AKAP13: variants seen among roughly 807,000 people sequenced by gnomAD.
AKAP13 encodes the protein A-kinase anchoring protein 13.
Under a neutral mutation model 264.5 loss-of-function variants are expected in AKAP13, and 80 were observed. That is an observed-to-expected ratio of 0.30 (90% CI 0.25 to 0.36). The LOEUF is 0.36. AKAP13 is among the 10% of genes least tolerant of loss of function. The pLI is 1.00. For synonymous variants in AKAP13, 1,380 were observed against 1,250.2 expected (o/e 1.10, Z -2.19); for missense variants, 3,712 against 3,435.2 (o/e 1.08, Z -2.01).
rs535324543 is a variant in AKAP13, at chr15:85,571,265, G to A, written c.663-3866G>A. Among the ~76,000 whole-genome samples the A allele has an allele frequency of 4.0e-4, 37 of 92,658 alleles. 1 individual carries two copies. The highest frequency in any genetic ancestry group is 1.4e-3 in the African/African-American group (35 of 25,566). 60.8% of individuals were successfully genotyped at this position (92,658 alleles called of 152,430 possible). A position where few individuals can be genotyped will look rare whatever the true frequency, so the allele number is the denominator to read the frequency against. The stretch of plus-strand genomic sequence containing the variant: ...TGTGCGTTTTACAGACTAGACTTAT[G>A]TACTTTTTTTTTACTTTTTATTTTG... On this transcript the variant is annotated intron_variant, in intron 5 of 36. Coordinates refer to ENST00000394518, the MANE Select transcript of AKAP13 (RefSeq NM_007200.5).
intron 14 of AKAP13, chr15:85,671,041 A>G (rs1437912884): frequency 6.6e-6 from 1 of 151,896 alleles, no homozygotes; most frequent in Non-Finnish European, 1.5e-5. Context: ...CTCATCAGAG[A>G]GGGAGTGAGT....
intron 19 of AKAP13, among the ~76,000 whole-genome samples, chr15:85,712,629 C>T (rs188413506): frequency 1.4e-4 from 22 of 152,120 alleles, no homozygotes; most frequent in Admixed American, 5.9e-4. Context: ...CTGCAACATC[C>T]GCCTTCTGGG....
At position 85,579,382 on chromosome 15, in the gene AKAP13, C is replaced by T. The variant is rs1233869589; in HGVS notation, c.1314C>T (p.Ser438=). Residue 438 remains serine, a synonymous_variant, in exon 7 of 37, where the codon TCC becomes TCT. Coordinates refer to ENST00000394518, the MANE Select transcript of AKAP13 (RefSeq NM_007200.5). ...CTGGAATGCCCACAGACCAGGAGTCCCTGAGCAGTGGAGATGCTGTGCTTC... is the reference window on the plus strand; with the variant it reads ...CTGGAATGCCCACAGACCAGGAGTCTCTGAGCAGTGGAGATGCTGTGCTTC... ...KSSGMPTDQE[S]LSSGDAVLQR... 1 of 1,614,012 alleles carries T rather than the reference C, an allele frequency of 6.2e-7. No individual in the cohort carries two copies. The highest frequency in any genetic ancestry group is 8.5e-7 in the Non-Finnish European group (1 of 1,180,034).
At chr15:85,495,960 A>G (rs897076543) in intron 2 of AKAP13, among the ~76,000 whole-genome samples, 4 of 152,228 alleles carry the variant, frequency 2.6e-5, no homozygotes, top group Non-Finnish European at 4.4e-5. Context: ...AACTGTTTCT[A>G]TTAGAATAGG....
chr15:85,649,378 A>G (rs563542383), intron 10 of AKAP13, among the ~76,000 whole-genome samples: 53 of 152,340 alleles, frequency 3.5e-4, no homozygotes, highest in African/African-American at 1.1e-3. Context: ...GCACTGGCAG[A>G]TAGGCCATCA....
chr15:85,710,215 G>C (rs142892447), intron 18 of AKAP13, among the ~76,000 whole-genome samples: 294 of 152,238 alleles, frequency 1.9e-3, no homozygotes, highest in African/African-American at 6.8e-3. Context: ...CAATCTACTG[G>C]GGAAGACGGA....
At position 85,515,837 on chromosome 15, in the gene AKAP13, T is replaced by G. The variant is rs1485515775; in HGVS notation, c.34-5591T>G. Among the ~76,000 whole-genome samples, 2 of 137,566 alleles carry G rather than the reference T, an allele frequency of 1.5e-5. 1 individual carries two copies. Among genetic ancestry groups the G allele is most frequent in the Non-Finnish European group, 3.1e-5 (2 of 64,418 alleles). 90.2% of individuals were successfully genotyped at this position (137,566 alleles called of 152,430 possible). A position where few individuals can be genotyped will look rare whatever the true frequency, so the allele number is the denominator to read the frequency against. ...GTTAGCTTATTTCTCTATGGTTATT[T>G]TTCCTTTTTTTTTTAAATCATTTGA... is the stretch of plus-strand genomic sequence containing the variant. On this transcript the variant is annotated intron_variant, in intron 2 of 36. Transcript: ENST00000394518.
intron 9 of AKAP13, among the ~76,000 whole-genome samples, chr15:85,644,446 T>C (rs1271386217): frequency 6.6e-6 from 1 of 151,370 alleles, no homozygotes; most frequent in East Asian, 2.0e-4. Flanking sequence ...TTCACCATGT[T>C]GACCAGGCTG....
rs1367253621 is a variant in AKAP13, at chr15:85,399,523, T to TAAAAAAAAAA, written c.-12+18732_-12+18733insAAAAAAAAAA. ...GTCTCAAAAAAAAAAAAAAAAAAAATAAAAAAATAAAAAAATAAATAAATA... is the reference window on the plus strand; with the variant it reads ...GTCTCAAAAAAAAAAAAAAAAAAAATAAAAAAAAAAAAAAAAATAAAAAAATAAATAAATA... On this transcript the variant is annotated intron_variant, in intron 1 of 36. Coordinates refer to ENST00000394518, the MANE Select transcript of AKAP13 (RefSeq NM_007200.5). Among the ~76,000 whole-genome samples the TAAAAAAAAAA allele has an allele frequency of 3.8e-3, 295 of 77,798 alleles. 3 individuals carry two copies. The highest frequency in any genetic ancestry group is 8.9e-3 in the African/African-American group (165 of 18,516). The allele number at this position is 77,798 out of a possible 152,430, so 51.0% of individuals were successfully genotyped here.
intron 1 of AKAP13, among the ~76,000 whole-genome samples, chr15:85,413,095 C>T (rs1315817167): frequency 3.3e-5 from 5 of 152,156 alleles, no homozygotes; most frequent in East Asian, 3.8e-4. Context: ...GTTTGTAAGT[C>T]GGCACTGTGT....
intron 17 of AKAP13, among the ~76,000 whole-genome samples, chr15:85,701,818 T>C (rs974282294): frequency 0.011 from 2 of 178 alleles, no homozygotes; most frequent in Non-Finnish European, 0.033. Context: ...GTTACCCTAA[T>C]ATGCACTAAG....
At chr15:85,641,321 C>G (rs1596850089) in intron 9 of AKAP13, among the ~76,000 whole-genome samples, 1 of 151,090 alleles carries the variant, frequency 6.6e-6, no homozygotes, top group South Asian at 2.1e-4. Flanking sequence ...TGGCACGCCT[C>G]TGTAGTCCCA....
At chr15:85,602,313 T>C (rs903193437) in intron 8 of AKAP13, among the ~76,000 whole-genome samples, 2 of 151,698 alleles carry the variant, frequency 1.3e-5, no homozygotes, top group African/African-American at 4.8e-5. Flanking sequence ...GTAGCTGAGA[T>C]TACAGGCGTG....
At chr15:85,410,088 C>T (rs2071887171) in intron 1 of AKAP13, among the ~76,000 whole-genome samples, 1 of 151,610 alleles carries the variant, frequency 6.6e-6, no homozygotes, top group South Asian at 2.1e-4. Context: ...TTGGTATTCA[C>T]TTTTTCTGGA....
rs377199779 is a variant in AKAP13 at position 85,705,340 on chromosome 15, A to G, written c.5465-2679A>G. Among the ~76,000 whole-genome samples the G allele has an allele frequency of 2.2e-4, 34 of 152,314 alleles. No individual in the cohort carries two copies. In the East Asian group the frequency reaches 4.2e-3, roughly 19 times the overall value. On this transcript the variant is annotated intron_variant, in intron 17 of 36. Transcript: ENST00000394518. ...GAACTTGGAAACAAATTCTGCCCAT[A>G]GTGTTCTTGGTCACTTTTGCAGATC...
rs749037475 is a variant in AKAP13 at position 85,726,220 on chromosome 15, C to G, written c.6746-190C>G. The G allele has an allele frequency of 1.2e-4, 54 of 463,368 alleles. 1 individual carries two copies. The highest frequency in any genetic ancestry group is 8.2e-4 in the South Asian group (17 of 20,636). The allele number at this position is 463,368 out of a possible 1,614,324, so 28.7% of individuals were successfully genotyped here. A position where few individuals can be genotyped will look rare whatever the true frequency, so the allele number is the denominator to read the frequency against. On this transcript the variant is annotated intron_variant, in intron 26 of 36. Transcript: ENST00000394518. ...CCCATTTTAAAATGCTGCTAAAAATCTGGTGACCAGATCTGAATCCTGGAG... is the reference window on the plus strand; with the variant it reads ...CCCATTTTAAAATGCTGCTAAAAATGTGGTGACCAGATCTGAATCCTGGAG...
chr15:85,566,859 A>T (rs2078624448), intron 5 of AKAP13, among the ~76,000 whole-genome samples: 3 of 151,800 alleles, frequency 2.0e-5, no homozygotes, highest in Admixed American at 2.0e-4. Flanking sequence ...CAATCTCCTG[A>T]CCTCGTGATC....
chr15:85,631,502 T>TCACACACACACA (rs55928032), intron 8 of AKAP13, among the ~76,000 whole-genome samples: 18 of 141,052 alleles, frequency 1.3e-4, no homozygotes, highest in African/African-American at 3.7e-4. Flanking sequence ...TCTCTCTCTC[T>TCACACACACACA]CACACACACA....
intron 8 of AKAP13, among the ~76,000 whole-genome samples, chr15:85,633,853 T>A (rs59543796): frequency 0.07 from 10,680 of 151,646 alleles, 395 homozygotes; most frequent in African/African-American, 0.083. Flanking sequence ...CTTTTTTTTT[T>A]AAAAAGGAAA....
Sources: gnomAD v4.1 joint callset for allele counts (sites outside exome capture counted in the v4.1 genomes callset) on GRCh38, gnomAD v4.1.1 for gene constraint, MANE v1.5 for transcripts, NCBI Gene and HGNC (gene_info 2026-07-23, HGNC 2026-07-21) for gene names.